The following SGCD variants were observed in gnomAD, a reference collection of about 807,000 sequenced individuals.
SGCD encodes the protein delta-sarcoglycan.
In SGCD, 18 loss-of-function variants were observed where a neutral mutation model predicts 36.6. The ratio of observed to expected loss-of-function variants is 0.49; its 90% CI spans 0.34 to 0.73. SGCD has a LOEUF of 0.73. Ranked by LOEUF, SGCD falls within the 30% of genes least tolerant of loss-of-function variation. SGCD has a pLI of 0.01. For missense variants in SGCD, 387 were observed against 346.7 expected, an observed-to-expected ratio of 1.12 and a Z score of -0.92; for synonymous variants, 133 against 130.6, an observed-to-expected ratio of 1.02 and a Z score of -0.12.
At chr5:156,197,760 C>A (rs937469013) in intron 3 of SGCD, among the ~76,000 whole-genome samples, 1 of 151,878 alleles carries the variant, frequency 6.6e-6, no homozygotes, top group South Asian at 2.1e-4. Flanking sequence ...CTCTTTGATT[C>A]ATTATTTTGT....
chr5:156,414,499 G>A (rs181953917), intron 3 of SGCD, among the ~76,000 whole-genome samples: 60 of 152,308 alleles, frequency 3.9e-4, no homozygotes, highest in Admixed American at 2.0e-3. Context: ...ATTGGCACAC[G>A]TTTTCTGTAA....
the SGCD span, among the ~76,000 whole-genome samples, chr5:155,767,340 A>G: frequency 6.6e-6 from 1 of 152,222 alleles, no homozygotes; most frequent in South Asian, 2.1e-4. Flanking sequence ...TCATACAAAT[A>G]GAGAAATCAT....
rs575708270 is a variant in SGCD, at chr5:156,524,814, C to T, written c.294+16112C>T. On this transcript the variant is annotated intron_variant, in intron 4 of 8. Coordinates refer to ENST00000337851, the MANE Select transcript of SGCD (RefSeq NM_000337.6). ...CTGAGTTTGACTTTTTAAAATTCTA[C>T]ATAAAAGTGAGACTATGCAGTATTT... 2.0e-4 allele frequency among the ~76,000 whole-genome samples: 31 copies of T among 152,134 alleles called. 1 individual carries two copies. In the South Asian group the frequency reaches 6.2e-3, roughly 30 times the overall value.
chr5:155,788,418 G>A, the SGCD span, among the ~76,000 whole-genome samples: 1 of 152,044 alleles, frequency 6.6e-6, no homozygotes, highest in African/African-American at 2.4e-5. Flanking sequence ...GTGAATAATT[G>A]AATCAAGTTT....
intron 4 of SGCD, among the ~76,000 whole-genome samples, chr5:156,567,816 C>A (rs1006084861): frequency 6.6e-6 from 1 of 152,144 alleles, no homozygotes; most frequent in African/African-American, 2.4e-5. Flanking sequence ...TTGAACAAAG[C>A]AACCCAAAGA....
the SGCD span, among the ~76,000 whole-genome samples, chr5:155,837,915 GT>G: frequency 6.6e-6 from 1 of 151,966 alleles, no homozygotes. Flanking sequence ...TGAGCGCCAA[GT>G]TTCAGTGGAC....
intron 1 of SGCD, among the ~76,000 whole-genome samples, chr5:156,016,012 C>T (rs1005733541): frequency 1.3e-5 from 2 of 151,716 alleles, no homozygotes; most frequent in African/African-American, 2.4e-5. Context: ...ATACAATAAC[C>T]TGACCTTTAA....
intron 3 of SGCD, among the ~76,000 whole-genome samples, chr5:156,297,024 CATATAAAT>C (rs1158629545): frequency 5.8e-5 from 8 of 137,492 alleles, no homozygotes; most frequent in South Asian, 2.1e-4. Context: ...GTGTGTATAG[CATATAAAT>C]ATATATATAT....
intron 3 of SGCD, among the ~76,000 whole-genome samples, chr5:156,286,848 G>T (rs1408740733): frequency 6.6e-6 from 1 of 151,880 alleles, no homozygotes; most frequent in Admixed American, 6.6e-5. Context: ...CACATACAAT[G>T]CTGAGATAGG....
intron 2 of SGCD, among the ~76,000 whole-genome samples, chr5:156,119,831 A>C (rs1761991489): frequency 6.6e-6 from 1 of 151,828 alleles, no homozygotes; most frequent in Admixed American, 6.6e-5. Flanking sequence ...ACACAACCTA[A>C]CCATTAGAGA....
At chr5:155,785,697 C>T in the SGCD span, among the ~76,000 whole-genome samples, 710 of 152,262 alleles carry the variant, frequency 4.7e-3, 2 homozygotes, top group Non-Finnish European at 7.5e-3. Context: ...CATATGCACA[C>T]ATATGTGGTA....
intron 7 of SGCD, among the ~76,000 whole-genome samples, chr5:156,674,366 G>A (rs540083618): frequency 1.3e-5 from 2 of 152,172 alleles, no homozygotes; most frequent in Non-Finnish European, 2.9e-5. Context: ...ATAATCCCCC[G>A]TCTTTGTGCA....
At chr5:155,822,685 T>C in the SGCD span, among the ~76,000 whole-genome samples, 1 of 152,244 alleles carries the variant, frequency 6.6e-6, no homozygotes, top group Non-Finnish European at 1.5e-5. Flanking sequence ...TGTCATAAGT[T>C]GAATACACAT....
chr5:155,795,044 C>T, the SGCD span, among the ~76,000 whole-genome samples: 8 of 152,066 alleles, frequency 5.3e-5, no homozygotes, highest in Admixed American at 5.2e-4. Flanking sequence ...GGAATTACCT[C>T]TTAAAAGTGA....
intron 7 of SGCD, among the ~76,000 whole-genome samples, chr5:156,708,106 G>A (rs1041581609): frequency 4.6e-5 from 7 of 152,098 alleles, no homozygotes; most frequent in Non-Finnish European, 5.9e-5. Context: ...GCTTTTTGAG[G>A]ATAAGAACGG....
At chr5:156,587,144 G>C (rs1581212943) in intron 4 of SGCD, among the ~76,000 whole-genome samples, 1 of 152,292 alleles carries the variant, frequency 6.6e-6, no homozygotes, top group Middle Eastern at 3.4e-3. Flanking sequence ...ACCTAAGTTA[G>C]TGTTAGATAG....
intron 1 of SGCD, among the ~76,000 whole-genome samples, chr5:155,950,413 C>T (rs75413573): frequency 5.6e-4 from 85 of 152,250 alleles, no homozygotes; most frequent in Non-Finnish European, 1.1e-3. Context: ...CTAATGTCTA[C>T]GGCGAGGAGA....
Position 156,381,898 on chromosome 5 carries a change from A to G in SGCD, c.192+37221A>G, listed in dbSNP as rs555765624. Among the ~76,000 whole-genome samples, 3 of 152,330 alleles carry G rather than the reference A, an allele frequency of 2.0e-5. No individual in the cohort carries two copies. In the South Asian group the frequency reaches 6.2e-4, roughly 32 times the overall value. On this transcript the variant is annotated intron_variant, in intron 3 of 8. Transcript: ENST00000337851. ...TCATCCATAAAAATGGGATAATAATAGTATATTCCTCCTATGGGTGTTAGA... is the reference window on the plus strand; with the variant it reads ...TCATCCATAAAAATGGGATAATAATGGTATATTCCTCCTATGGGTGTTAGA...
chr5:156,214,816 T>A (rs1469582719), intron 3 of SGCD, among the ~76,000 whole-genome samples: 2 of 152,084 alleles, frequency 1.3e-5, no homozygotes, highest in Admixed American at 6.5e-5. Flanking sequence ...TATTGATCTT[T>A]GACAAGGGTG....
Sources: gnomAD v4.1 joint callset for allele counts (sites outside exome capture counted in the v4.1 genomes callset) on GRCh38, gnomAD v4.1.1 for gene constraint, MANE v1.5 for transcripts, NCBI Gene and HGNC (gene_info 2026-07-23, HGNC 2026-07-21) for gene names.